GRID1: variants seen among roughly 807,000 people sequenced by gnomAD.
GRID1 encodes the protein glutamate receptor ionotropic, delta-1.
GRID1 carries 28 observed loss-of-function variants against 98.0 expected under a neutral mutation model. The ratio of observed to expected loss-of-function variants is 0.29; its 90% CI spans 0.21 to 0.39. The LOEUF is 0.39. GRID1 is among the 10% of genes least tolerant of loss of function. The probability of loss-of-function intolerance (pLI) is 1.00; values close to 1 mark genes in which losing one functional copy is unlikely to be tolerated. For missense variants in GRID1, 1,111 were observed against 1,340.5 expected, an observed-to-expected ratio of 0.83 and a Z score of 2.67; for synonymous variants, 553 against 538.5, an observed-to-expected ratio of 1.03 and a Z score of -0.37.
chr10:85,725,357 G>A (rs1241645125), intron 10 of GRID1, among the ~76,000 whole-genome samples: 1 of 152,098 alleles, frequency 6.6e-6, no homozygotes, highest in African/African-American at 2.4e-5. Context: ...TTCTTCCATG[G>A]TAAAGCCATG....
At chr10:86,050,632 C>A (rs1239189586) in intron 4 of GRID1, among the ~76,000 whole-genome samples, 2 of 152,002 alleles carry the variant, frequency 1.3e-5, no homozygotes, top group Non-Finnish European at 2.9e-5. Flanking sequence ...ATAAGCTGAC[C>A]TTGACTGCAT....
At chr10:85,838,593 G>C (rs1240188854) in intron 8 of GRID1, among the ~76,000 whole-genome samples, 8 of 152,028 alleles carry the variant, frequency 5.3e-5, no homozygotes, top group Admixed American at 5.2e-4. Flanking sequence ...TTTCAGATAA[G>C]AAAATGCTGA....
intron 8 of GRID1, among the ~76,000 whole-genome samples, chr10:85,759,927 A>C (rs1259649968): frequency 6.6e-6 from 1 of 152,212 alleles, no homozygotes; most frequent in Non-Finnish European, 1.5e-5. Flanking sequence ...CATGCCAGGT[A>C]AAGAATAAAT....
chr10:86,153,835 G>A (rs964895871), intron 3 of GRID1, among the ~76,000 whole-genome samples: 3 of 151,262 alleles, frequency 2.0e-5, no homozygotes, highest in East Asian at 1.9e-4. Flanking sequence ...TCACAAACTC[G>A]TTACCTCCTG....
chr10:85,896,013 G>T (rs1358211489), intron 5 of GRID1, among the ~76,000 whole-genome samples: 1 of 131,780 alleles, frequency 7.6e-6, no homozygotes, highest in Non-Finnish European at 1.6e-5. Context: ...CTTCTTGGTG[G>T]GGCCATTGAA....
At chr10:85,877,688 A>T (rs926914538) in intron 5 of GRID1, among the ~76,000 whole-genome samples, 1 of 152,200 alleles carries the variant, frequency 6.6e-6, no homozygotes, top group Admixed American at 6.5e-5. Flanking sequence ...GAGCAGAAAA[A>T]CTGGAAACTC....
chr10:85,620,056 A>T, intron 13 of GRID1, 23 bp from the exon 14 acceptor site: 1 of 1,607,786 alleles, frequency 6.2e-7, no homozygotes, highest in Non-Finnish European at 8.5e-7. Flanking sequence ...AATTACCATG[A>T]AGTCAGGCAG....
intron 6 of GRID1, among the ~76,000 whole-genome samples, chr10:85,857,778 A>C (rs544667369): frequency 2.6e-5 from 4 of 152,158 alleles, no homozygotes; most frequent in African/African-American, 9.7e-5. Flanking sequence ...AAGATCAAAT[A>C]GGCTCCTTGG....
intron 8 of GRID1, among the ~76,000 whole-genome samples, chr10:85,778,771 C>A (rs1407908864): frequency 6.6e-6 from 1 of 152,182 alleles, no homozygotes; most frequent in African/African-American, 2.4e-5. Context: ...TTCCTGAACA[C>A]CCAGCCTGGA....
chr10:85,642,452 T>C (rs932392688), intron 13 of GRID1, among the ~76,000 whole-genome samples: 1 of 152,206 alleles, frequency 6.6e-6, no homozygotes, highest in African/African-American at 2.4e-5. Context: ...CCTGGAGCTA[T>C]TTCTCTTGTC....
chr10:85,918,269 A>C (rs1446155275), intron 4 of GRID1, among the ~76,000 whole-genome samples: 1 of 152,206 alleles, frequency 6.6e-6, no homozygotes, highest in East Asian at 1.9e-4. Context: ...CCAGGAGCAA[A>C]AAGGCAAATG....
At chr10:86,079,015 G>A (rs774495211) in intron 4 of GRID1, among the ~76,000 whole-genome samples, 7 of 152,306 alleles carry the variant, frequency 4.6e-5, no homozygotes, top group East Asian at 1.9e-4. Context: ...AGCTACCCCC[G>A]TCAGCACAGC....
At chr10:85,793,415 G>T (rs1386819208) in intron 8 of GRID1, among the ~76,000 whole-genome samples, 1 of 152,170 alleles carries the variant, frequency 6.6e-6, no homozygotes. Context: ...TACATGCATT[G>T]TCTGTCAGTG....
chr10:85,786,983 T>C (rs781451028), intron 8 of GRID1, among the ~76,000 whole-genome samples: 1 of 152,204 alleles, frequency 6.6e-6, no homozygotes, highest in Non-Finnish European at 1.5e-5. Context: ...GGCAGAGCCA[T>C]GGCTGGGGCT....
intron 4 of GRID1, among the ~76,000 whole-genome samples, chr10:86,132,531 T>G (rs2131967443): frequency 6.6e-6 from 1 of 152,326 alleles, no homozygotes; most frequent in East Asian, 1.9e-4. Flanking sequence ...TATTCAAAAA[T>G]TAATCTCCTA....
intron 6 of GRID1, among the ~76,000 whole-genome samples, chr10:85,858,545 T>C (rs568929433): frequency 6.6e-6 from 1 of 152,304 alleles, no homozygotes; most frequent in African/African-American, 2.4e-5. Context: ...ACTGCATGTG[T>C]TGATAAGTCT....
At chr10:85,933,297 A>G (rs903157719) in intron 4 of GRID1, among the ~76,000 whole-genome samples, 2 of 75,716 alleles carry the variant, frequency 2.6e-5, no homozygotes, top group East Asian at 1.0e-3. Flanking sequence ...AAAAAAAAAA[A>G]AAAAAAAAAA....
At chr10:85,719,288 T>G (rs1159970074) in intron 12 of GRID1, among the ~76,000 whole-genome samples, 3 of 152,182 alleles carry the variant, frequency 2.0e-5, no homozygotes, top group African/African-American at 7.2e-5. Flanking sequence ...TCCAAACTGT[T>G]CCAACCTCTG....
intron 2 of GRID1, among the ~76,000 whole-genome samples, chr10:86,257,726 G>A (rs1846945427): frequency 6.6e-6 from 1 of 152,182 alleles, no homozygotes; most frequent in South Asian, 2.1e-4. Flanking sequence ...GCAGGTGTAT[G>A]GGACACAGAA....
Sources: allele counts gnomAD v4.1 joint callset (sites outside exome capture counted in the v4.1 genomes callset), GRCh38; gene constraint gnomAD v4.1.1; transcripts MANE v1.5; gene names NCBI Gene and HGNC (gene_info 2026-07-23, HGNC 2026-07-21).